RBPMS: variants seen among roughly 807,000 people sequenced by gnomAD.
RBPMS encodes RNA-binding protein with multiple splicing.
In RBPMS, 7 loss-of-function variants were observed where a neutral mutation model predicts 26.8. That is an observed-to-expected ratio of 0.26 (90% CI 0.15 to 0.49). RBPMS has a LOEUF of 0.49. Ranked by LOEUF, RBPMS falls within the 20% of genes least tolerant of loss-of-function variation. RBPMS has a pLI of 0.98. For synonymous variants in RBPMS, 96 were observed against 93.3 expected (o/e 1.03, Z -0.17); for missense variants, 186 against 250.0 (o/e 0.74, Z 1.73).
chr8:30,514,541 T>C (rs971975900), intron 5 of RBPMS, among the ~76,000 whole-genome samples: 1 of 152,050 alleles, frequency 6.6e-6, no homozygotes, highest in Non-Finnish European at 1.5e-5. Context: ...GGTGGTGATG[T>C]TAATGAATTT....
intron 6 of RBPMS, among the ~76,000 whole-genome samples, chr8:30,554,031 C>T (rs915090321): frequency 6.6e-6 from 1 of 152,238 alleles, no homozygotes; most frequent in Admixed American, 6.5e-5. Context: ...CCGCCTCAGC[C>T]TCCCGAAGTG....
At chr8:30,518,311 C>G (rs1351423042) in intron 5 of RBPMS, among the ~76,000 whole-genome samples, 1 of 152,140 alleles carries the variant, frequency 6.6e-6, no homozygotes, top group Non-Finnish European at 1.5e-5. Flanking sequence ...GGCTGAGTTG[C>G]AATTTCATCT....
intron 6 of RBPMS, chr8:30,555,860 C>A (rs1826835565): frequency 8.1e-6 from 8 of 984,502 alleles, no homozygotes; most frequent in Middle Eastern, 5.2e-4. Flanking sequence ...AAGAGAGAAC[C>A]CTCTCCTCAT....
chr8:30,562,106 G>C (rs764713133), intron 7 of RBPMS: 8 of 896,892 alleles, frequency 8.9e-6, no homozygotes, highest in Non-Finnish European at 1.1e-5. Context: ...TGAGGCAGGC[G>C]GATCACTTGA....
intron 5 of RBPMS, among the ~76,000 whole-genome samples, chr8:30,510,078 T>G (rs1821427421): frequency 6.6e-6 from 1 of 152,200 alleles, no homozygotes; most frequent in African/African-American, 2.4e-5. Context: ...AGTGGCTCAG[T>G]AGGGCCGAAA....
At chr8:30,549,526 A>G (rs1053209743) in intron 6 of RBPMS, 1 of 1,614,126 alleles carries the variant, frequency 6.2e-7, no homozygotes. Context: ...CTGTGAGGAG[A>G]AGCCACCCCT....
At chr8:30,503,446 A>T (rs1210569847) in intron 4 of RBPMS, among the ~76,000 whole-genome samples, 1 of 150,500 alleles carries the variant, frequency 6.6e-6, no homozygotes, top group African/African-American at 2.4e-5. Flanking sequence ...TTTAGTAGAG[A>T]TGGGGTTTCA....
chr8:30,448,926 A>G (rs551275527), intron 1 of RBPMS, among the ~76,000 whole-genome samples: 6 of 152,332 alleles, frequency 3.9e-5, no homozygotes, highest in East Asian at 1.9e-4. Flanking sequence ...ATGGGGGGGA[A>G]CTTTGCTGTC....
At chr8:30,443,004 T>G (rs1447393547) in intron 1 of RBPMS, among the ~76,000 whole-genome samples, 1 of 152,198 alleles carries the variant, frequency 6.6e-6, no homozygotes, top group Non-Finnish European at 1.5e-5. Context: ...TTAATAATAA[T>G]TCCCCTGAAA....
chr8:30,571,780 T>G lies in RBPMS; in HGVS notation c.*1255T>G, dbSNP rs2151101129. Reference sequence around the variant, plus strand: ...CAGTCTGGTGTTGTCAGTTGACACATCTCCAGAGTTCATGACAGCTCAACC... The same window carrying G: ...CAGTCTGGTGTTGTCAGTTGACACAGCTCCAGAGTTCATGACAGCTCAACC... On this transcript the variant is annotated 3_prime_UTR_variant, in exon 9 of 9. Transcript: ENST00000397323. The G allele has an allele frequency of 6.6e-6, 1 of 152,372 alleles. No homozygotes were observed. The highest frequency in any genetic ancestry group is 2.4e-5 in the African/African-American group (1 of 41,568). 9.4% of individuals were successfully genotyped at this position (152,372 alleles called of 1,614,324 possible). A position where few individuals can be genotyped will look rare whatever the true frequency, so the allele number is the denominator to read the frequency against.
At chr8:30,477,666 A>G in intron 2 of RBPMS, 133 bp from the exon 3 acceptor site, 1 of 627,814 alleles carries the variant, frequency 1.6e-6, no homozygotes. Context: ...CATGTGTGTA[A>G]TTTGCTTTCC....
At chr8:30,529,112 C>G (rs1423991186) in intron 5 of RBPMS, among the ~76,000 whole-genome samples, 1 of 151,784 alleles carries the variant, frequency 6.6e-6, no homozygotes, top group Non-Finnish European at 1.5e-5. Context: ...CCCAACTACT[C>G]AGGAGGCTGA....
At chr8:30,456,919 T>C (rs1447703824) in intron 1 of RBPMS, among the ~76,000 whole-genome samples, 2 of 152,230 alleles carry the variant, frequency 1.3e-5, no homozygotes, top group Admixed American at 1.3e-4. Flanking sequence ...AGACTCCATC[T>C]CACACACACA....
intron 5 of RBPMS, among the ~76,000 whole-genome samples, chr8:30,535,464 G>C (rs1245313283): frequency 6.6e-6 from 1 of 152,130 alleles, no homozygotes; most frequent in African/African-American, 2.4e-5. Flanking sequence ...ATTTTCAAGA[G>C]TGCTCCATGC....
At chr8:30,501,855 A>T (rs1482632017) in intron 4 of RBPMS, among the ~76,000 whole-genome samples, 1 of 151,850 alleles carries the variant, frequency 6.6e-6, no homozygotes, top group Non-Finnish European at 1.5e-5. Context: ...AACACAAGGA[A>T]TTTTTTTCTC....
chr8:30,519,458 CTTTTTTTTTTTTT>C lies in RBPMS; in HGVS notation c.397+15052_397+15064del, dbSNP rs36017963. On this transcript the variant is annotated intron_variant, in intron 5 of 8. Transcript: ENST00000397323. Reference sequence around the variant, plus strand: ...TCACCCTACGTGGGAGGATCTCTCTCTTTTTTTTTTTTTTTTTTTTTTTTTTTTTTTTTTTTTT... The same window carrying C: ...TCACCCTACGTGGGAGGATCTCTCTCTTTTTTTTTTTTTTTTTTTTTTTTT... Among the ~76,000 whole-genome samples, 760 of 89,330 alleles carry C rather than the reference CTTTTTTTTTTTTT, an allele frequency of 8.5e-3. 59 individuals carry two copies. The highest frequency in any genetic ancestry group is 0.021 in the African/African-American group (481 of 22,790). The allele number at this position is 89,330 out of a possible 152,430, so 58.6% of individuals were successfully genotyped here.
At chr8:30,408,784 A>T (rs1808944798) in intron 1 of RBPMS, among the ~76,000 whole-genome samples, 1 of 152,160 alleles carries the variant, frequency 6.6e-6, no homozygotes, top group Admixed American at 6.5e-5. Flanking sequence ...TGGAACTATC[A>T]CCACTATCTA....
At chr8:30,498,336 A>G (rs970765840) in intron 4 of RBPMS, among the ~76,000 whole-genome samples, 1 of 152,170 alleles carries the variant, frequency 6.6e-6, no homozygotes, top group African/African-American at 2.4e-5. Flanking sequence ...CTAGATCCTC[A>G]GCTTTTAGTC....
At chr8:30,505,041 G>A (rs28668509) in intron 5 of RBPMS, among the ~76,000 whole-genome samples, 2,629 of 152,226 alleles carry the variant, frequency 0.017, 84 homozygotes, top group African/African-American at 0.06. Flanking sequence ...TGCTCAAGAC[G>A]TCTTCTACCC....
Sources: gnomAD v4.1 joint callset for allele counts (sites outside exome capture counted in the v4.1 genomes callset) on GRCh38, gnomAD v4.1.1 for gene constraint, MANE v1.5 for transcripts, NCBI Gene and HGNC (gene_info 2026-07-23, HGNC 2026-07-21) for gene names.